The following STAT5B variants were observed in gnomAD, a reference collection of about 807,000 sequenced individuals.
The protein encoded by STAT5B is transcription factor STAT5B.
Under a neutral mutation model 107.8 loss-of-function variants are expected in STAT5B, and 21 were observed. That is an observed-to-expected ratio of 0.19 (90% CI 0.14 to 0.28). STAT5B has a LOEUF of 0.28. Among genes scored for constraint, STAT5B ranks in the 10% least tolerant of loss-of-function variants. The pLI is 1.00. For missense variants in STAT5B, 565 were observed against 1,008.2 expected (o/e 0.56, Z 5.95); for synonymous variants, 325 against 401.7 (o/e 0.81, Z 2.28).
At chr17:42,286,053 C>G in the STAT5B span, among the ~76,000 whole-genome samples, 19 of 151,946 alleles carry the variant, frequency 1.3e-4, no homozygotes, top group African/African-American at 4.4e-4. Flanking sequence ...AACACCGCCT[C>G]TACTAAAAAT....
rs1427570808 is a variant in STAT5B at position 42,212,036 on chromosome 17, C to T, written c.1628G>A (p.Ser543Asn). Reference sequence around the variant, plus strand: ...CAGGCCACTGTAGTCCTCCAGGTGGCTGCTGCTGTTGTTGAACAGTTTCTG... The same window carrying T: ...CAGGCCACTGTAGTCCTCCAGGTGGTTGCTGCTGTTGTTGAACAGTTTCTG... ...LAQKLFNNSS[S>N]HLEDYSGLSV... Residue 543 changes from serine to asparagine, a missense_variant, in exon 13 of 19, where the codon AGC becomes AAC. Transcript: ENST00000293328. 4 of 1,613,932 alleles carry T rather than the reference C, an allele frequency of 2.5e-6. No homozygotes were observed. Among genetic ancestry groups the T allele is most frequent in the Non-Finnish European group, 3.4e-6 (4 of 1,179,968 alleles).
intron 12 of STAT5B, among the ~76,000 whole-genome samples, chr17:42,212,767 C>T (rs1006099662): frequency 1.2e-4 from 19 of 152,242 alleles, no homozygotes; most frequent in African/African-American, 4.6e-4. Flanking sequence ...AGCCATAGTA[C>T]TCCATTTTAT....
rs2080028931 is a variant in STAT5B, at chr17:42,199,710, C to T, written c.*2028G>A. 6.5e-6 allele frequency: 1 copy of T among 152,708 alleles called. No homozygotes were observed. The highest frequency in any genetic ancestry group is 2.1e-4 in the South Asian group (1 of 4,844). The allele number at this position is 152,708 out of a possible 1,614,324, so 9.5% of individuals were successfully genotyped here. ...AACCCCAGCTCAGGGAAGCCACACT[C>T]ATCAGCTCTCTTCCTCCCCAACCCA... On this transcript the variant is annotated 3_prime_UTR_variant, in exon 19 of 19. Coordinates refer to ENST00000293328, the MANE Select transcript of STAT5B (RefSeq NM_012448.4).
intron 12 of STAT5B, among the ~76,000 whole-genome samples, chr17:42,212,828 C>G (rs991565680): frequency 5.9e-5 from 9 of 152,186 alleles, no homozygotes; most frequent in African/African-American, 2.2e-4. Context: ...ATTTAAAATT[C>G]AAAAAGCACA....
At chr17:42,275,120 C>T (rs992658399) in intron 1 of STAT5B, 8 of 152,256 alleles carry the variant, frequency 5.3e-5, no homozygotes, top group African/African-American at 1.9e-4. Context: ...GGATACTCAA[C>T]AAACAGCCGT....
chr17:42,211,622 T>C (rs185469127), intron 13 of STAT5B, among the ~76,000 whole-genome samples: 9 of 152,328 alleles, frequency 5.9e-5, no homozygotes, highest in African/African-American at 2.2e-4. Context: ...CATAGGAGCC[T>C]GATCTGGCAT....
intron 5 of STAT5B, among the ~76,000 whole-genome samples, chr17:42,220,259 C>T (rs1013846978): frequency 7.9e-5 from 12 of 152,230 alleles, no homozygotes; most frequent in South Asian, 4.1e-4. Context: ...GGCTTCCCCA[C>T]GTGTAAAACG....
Position 42,200,812 on chromosome 17 carries a change from C to A in STAT5B, c.*926G>T. 1 of 362,618 alleles carries A rather than the reference C, an allele frequency of 2.8e-6. No homozygotes were observed. Among genetic ancestry groups the A allele is most frequent in the East Asian group, 4.0e-5 (1 of 24,880 alleles). 22.5% of individuals were successfully genotyped at this position (362,618 alleles called of 1,614,324 possible). A position where few individuals can be genotyped will look rare whatever the true frequency, so the allele number is the denominator to read the frequency against. On this transcript the variant is annotated 3_prime_UTR_variant, in exon 19 of 19. Coordinates refer to ENST00000293328, the MANE Select transcript of STAT5B (RefSeq NM_012448.4). The stretch of plus-strand genomic sequence containing the variant: ...AGCCTGAAGAAGGCCACGGACTGTG[C>A]ATCCGCTGGCTCAGAGAAAGGCTGG...
upstream of STAT5B, among the ~76,000 whole-genome samples, chr17:42,279,394 G>C (rs932341170): frequency 6.6e-6 from 1 of 152,196 alleles, no homozygotes; most frequent in South Asian, 2.1e-4. Context: ...CTACTACTGT[G>C]GTGTTTAGTA....
At chr17:42,231,091 TTA>T in intron 2 of STAT5B, among the ~76,000 whole-genome samples, 1 of 152,194 alleles carries the variant, frequency 6.6e-6, no homozygotes, top group Non-Finnish European at 1.5e-5. Context: ...GTAAAATAAT[TTA>T]TATTTAATAA....
chr17:42,247,390 T>A (rs527286167), intron 1 of STAT5B, among the ~76,000 whole-genome samples: 20 of 152,242 alleles, frequency 1.3e-4, no homozygotes, highest in Non-Finnish European at 2.5e-4. Context: ...TACTTAGACA[T>A]AACTTGAATA....
chr17:42,218,073 C>A (rs1248249145), intron 9 of STAT5B, 78 bp downstream of exon 9: 4 of 1,558,934 alleles, frequency 2.6e-6, no homozygotes, highest in South Asian at 2.3e-5. Context: ...GGATCTGACA[C>A]AGGAGGCAGA....
At chr17:42,280,501 T>C (rs1278947429), upstream of STAT5B, among the ~76,000 whole-genome samples, 1 of 152,124 alleles carries the variant, frequency 6.6e-6, no homozygotes, top group African/African-American at 2.4e-5. Context: ...TTATTATGGC[T>C]TCCCTCCTGC....
chr17:42,202,615 C>T, intron 17 of STAT5B, 142 bp downstream of exon 17: 1 of 1,492,614 alleles, frequency 6.7e-7, no homozygotes, highest in Non-Finnish European at 9.3e-7. Flanking sequence ...ACTGGCATAG[C>T]ATCACCAAGC....
At chr17:42,263,429 A>G (rs1039380771) in intron 1 of STAT5B, among the ~76,000 whole-genome samples, 3 of 152,138 alleles carry the variant, frequency 2.0e-5, no homozygotes, top group East Asian at 1.9e-4. Context: ...AACAAATTCT[A>G]CGTTCTAAGA....
chr17:42,265,423 T>C (rs982190511), intron 1 of STAT5B, among the ~76,000 whole-genome samples: 1 of 145,052 alleles, frequency 6.9e-6, no homozygotes, highest in East Asian at 2.1e-4. Flanking sequence ...CAGGCTGGAG[T>C]GCAGTAGTGT....
At chr17:42,231,280 A>G (rs2080315439) in intron 2 of STAT5B, among the ~76,000 whole-genome samples, 1 of 152,288 alleles carries the variant, frequency 6.6e-6, no homozygotes, top group Non-Finnish European at 1.5e-5. Flanking sequence ...AGCTGGGATT[A>G]TAGGTGTGCA....
chr17:42,217,689 CTTT>C (rs370849128), intron 9 of STAT5B: 602 of 436,176 alleles, frequency 1.4e-3, no homozygotes, highest in Middle Eastern at 3.5e-3. Flanking sequence ...CCTAAGAGAA[CTTT>C]TTTTTTTTTT....
rs1346063920 is a variant in STAT5B at position 42,199,438 on chromosome 17, C to T, written c.*2300G>A. 6.6e-6 allele frequency: 1 copy of T among 152,264 alleles called. No individual in the cohort carries two copies. Among genetic ancestry groups the T allele is most frequent in the Admixed American group, 6.5e-5 (1 of 15,268 alleles). The allele number at this position is 152,264 out of a possible 1,614,324, so 9.4% of individuals were successfully genotyped here. On this transcript the variant is annotated 3_prime_UTR_variant, in exon 19 of 19. Coordinates refer to ENST00000293328, the MANE Select transcript of STAT5B (RefSeq NM_012448.4). ...TATATTCGATTTTAGTCTCCCCCTA[C>T]CCCCTAGAAAAAACCTGCACATCTC...
Sources: gnomAD v4.1 joint callset for allele counts (sites outside exome capture counted in the v4.1 genomes callset) on GRCh38, gnomAD v4.1.1 for gene constraint, MANE v1.5 for transcripts, NCBI Gene and HGNC (gene_info 2026-07-23, HGNC 2026-07-21) for gene names.